The following TBXAS1 variants were observed in gnomAD, a reference collection of about 807,000 sequenced individuals.
The protein encoded by TBXAS1 is thromboxane A synthase 1.
Under a neutral mutation model 60.7 loss-of-function variants are expected in TBXAS1, and 48 were observed. The ratio of observed to expected loss-of-function variants is 0.79; its 90% confidence interval spans 0.63 to 1.01. TBXAS1 has a LOEUF of 1.01. TBXAS1 is among the 50% of genes least tolerant of loss of function. The pLI is 0.00. For synonymous variants in TBXAS1, 287 were observed against 269.7 expected, an observed-to-expected ratio of 1.06 and a Z score of -0.63; for missense variants, 685 against 686.3, an observed-to-expected ratio of 1.00 and a Z score of 0.02.
chr7:139,802,935 T>C (rs892344359), intron 4 of TBXAS1, among the ~76,000 whole-genome samples: 1 of 152,248 alleles, frequency 6.6e-6, no homozygotes, highest in Non-Finnish European at 1.5e-5. Context: ...TCCCCAGCCA[T>C]GTGGAACTGT....
At chr7:139,923,252 A>G (rs1806618365) in intron 4 of TBXAS1, among the ~76,000 whole-genome samples, 1 of 152,084 alleles carries the variant, frequency 6.6e-6, no homozygotes, top group Admixed American at 6.5e-5. Context: ...GCTTAAGCCC[A>G]GGAGGCGTAG....
intron 4 of TBXAS1, among the ~76,000 whole-genome samples, chr7:139,789,862 C>T (rs1261652352): frequency 6.6e-6 from 1 of 152,050 alleles, no homozygotes; most frequent in East Asian, 1.9e-4. Flanking sequence ...AACTCCTGAC[C>T]TCAAGTGATC....
intron 1 of TBXAS1, among the ~76,000 whole-genome samples, chr7:139,867,826 T>TAATA (rs55731121): frequency 0.31 from 45,739 of 146,768 alleles, 7,296 homozygotes; most frequent in South Asian, 0.47. Flanking sequence ...CGAAAATAAA[T>TAATA]AATAAATAAA....
chr7:139,946,437 T>C (rs544365023), intron 5 of TBXAS1, among the ~76,000 whole-genome samples: 6 of 152,356 alleles, frequency 3.9e-5, no homozygotes. Flanking sequence ...ACAAAGATGC[T>C]TAGGCTATAG....
rs536520664 is a variant in TBXAS1, at chr7:139,841,058, T to G, written c.89+11579T>G. Among the ~76,000 whole-genome samples the G allele has an allele frequency of 7.2e-5, 11 of 152,318 alleles. 1 individual carries two copies. The South Asian group carries it at 2.1e-3, about 29-fold the overall frequency. ...CAGCGACCCAATGGCGGCTGCTGCT[T>G]CTTCTGCCTGGGCACCTCATCATCC... On this transcript the variant is annotated intron_variant, in intron 1 of 12. Coordinates refer to ENST00000448866, the MANE Select transcript of TBXAS1 (RefSeq NM_001061.7).
intron 9 of TBXAS1, among the ~76,000 whole-genome samples, chr7:139,979,049 C>T (rs1207692120): frequency 6.6e-6 from 1 of 152,188 alleles, no homozygotes; most frequent in Non-Finnish European, 1.5e-5. Context: ...TGAATTCGAT[C>T]CTCTGGCTCC....
chr7:139,944,539 A>G (rs548948987), intron 5 of TBXAS1, among the ~76,000 whole-genome samples: 1 of 152,336 alleles, frequency 6.6e-6, no homozygotes, highest in Admixed American at 6.5e-5. Context: ...TCAGCTGTTT[A>G]GCCCCCAAGC....
At chr7:139,822,601 CACTT>C (rs1469933866) in intron 4 of TBXAS1, among the ~76,000 whole-genome samples, 8 of 152,192 alleles carry the variant, frequency 5.3e-5, no homozygotes, top group Admixed American at 2.0e-4. Flanking sequence ...AGCTTCCTAA[CACTT>C]GCTTCCTTCC....
intron 9 of TBXAS1, among the ~76,000 whole-genome samples, chr7:139,980,639 C>T (rs1811895159): frequency 6.6e-6 from 1 of 151,738 alleles, no homozygotes; most frequent in East Asian, 2.0e-4. Context: ...CTCGTTTCCT[C>T]CCCGTCTTCT....
intron 9 of TBXAS1, among the ~76,000 whole-genome samples, chr7:139,991,603 T>G (rs1157244762): frequency 6.6e-6 from 1 of 152,220 alleles, no homozygotes; most frequent in Non-Finnish European, 1.5e-5. Context: ...AAAGAGTCAG[T>G]GTTGATTTCT....
At chr7:139,980,251 A>G (rs1811869507) in intron 9 of TBXAS1, among the ~76,000 whole-genome samples, 1 of 152,186 alleles carries the variant, frequency 6.6e-6, no homozygotes, top group Admixed American at 6.5e-5. Context: ...TATGGCCTAC[A>G]ACTAGAAGAA....
chr7:139,969,749 G>A (rs891853135), intron 9 of TBXAS1, among the ~76,000 whole-genome samples: 33 of 152,286 alleles, frequency 2.2e-4, no homozygotes, highest in African/African-American at 7.5e-4. Context: ...CAGTTGGTGA[G>A]GAGTAAGTTC....
intron 3 of TBXAS1, among the ~76,000 whole-genome samples, chr7:139,893,722 ACT>A (rs1278191673): frequency 6.6e-6 from 1 of 151,604 alleles, no homozygotes; most frequent in African/African-American, 2.4e-5. Context: ...TCTCTTAATT[ACT>A]CTTTTTTTAT....
At chr7:139,981,632 G>T (rs918078481) in intron 9 of TBXAS1, among the ~76,000 whole-genome samples, 4 of 152,240 alleles carry the variant, frequency 2.6e-5, no homozygotes, top group Non-Finnish European at 5.9e-5. Context: ...TAGCTGAAAG[G>T]CAGAGACAGT....
chr7:139,786,438 T>A (rs1797201569), intron 3 of TBXAS1, among the ~76,000 whole-genome samples: 1 of 152,222 alleles, frequency 6.6e-6, no homozygotes, highest in African/African-American at 2.4e-5. Flanking sequence ...AATTTAGTTT[T>A]GGGATTACCT....
chr7:139,797,261 C>G (rs930040430), intron 4 of TBXAS1: 1 of 152,138 alleles, frequency 6.6e-6, no homozygotes, highest in African/African-American at 2.4e-5. Context: ...TATTTGGAGC[C>G]ACAGAAAATC....
chr7:139,948,832 C>T (rs1352968634), intron 5 of TBXAS1, among the ~76,000 whole-genome samples: 1 of 152,110 alleles, frequency 6.6e-6, no homozygotes, highest in African/African-American at 2.4e-5. Context: ...GTATGCAACT[C>T]ATGTAAAAGT....
Position 139,986,531 on chromosome 7 carries a change from C to T in TBXAS1, c.1135-20560C>T, listed in dbSNP as rs979590456. ...CCTCACCCCCTTCCCACCTCTCCCC[C>T]CAAGTTTCCAAAGTCCATTGTATCA... On this transcript the variant is annotated intron_variant, in intron 9 of 12. Transcript: ENST00000448866. Among the ~76,000 whole-genome samples the T allele has an allele frequency of 1.7e-4, 26 of 151,266 alleles. 1 individual carries two copies. The highest frequency in any genetic ancestry group is 2.7e-4 in the Non-Finnish European group (18 of 67,862).
intron 1 of TBXAS1, among the ~76,000 whole-genome samples, chr7:139,850,927 A>C (rs1045252270): frequency 1.3e-5 from 2 of 151,968 alleles, no homozygotes; most frequent in Non-Finnish European, 2.9e-5. Context: ...TGATGTCTTG[A>C]CCTCAGAATT....
Sources: allele counts gnomAD v4.1 joint callset (sites outside exome capture counted in the v4.1 genomes callset), GRCh38; gene constraint gnomAD v4.1.1; transcripts MANE v1.5; gene names NCBI Gene and HGNC (gene_info 2026-07-23, HGNC 2026-07-21).